Variants in CALD1 observed in about 807,000 individuals in gnomAD.
CALD1 encodes caldesmon.
In CALD1, 33 loss-of-function variants were observed where a neutral mutation model predicts 99.9. The observed-to-expected ratio is 0.33, with a 90% CI of 0.25 to 0.44. The LOEUF (loss-of-function observed/expected upper bound fraction) is 0.44. CALD1 is among the 20% of genes least tolerant of loss of function. The probability of loss-of-function intolerance (pLI) is 1.00; values close to 1 mark genes in which losing one functional copy is unlikely to be tolerated. For missense variants in CALD1, 861 were observed against 962.1 expected (o/e 0.89, Z 1.39); for synonymous variants, 310 against 325.0 (o/e 0.95, Z 0.50).
chr7:134,715,426 A>C, the CALD1 span, among the ~76,000 whole-genome samples: 31 of 152,194 alleles, frequency 2.0e-4, no homozygotes, highest in African/African-American at 7.2e-4. Context: ...TTGCAAGTAT[A>C]CACCCTCTAT....
At chr7:134,830,363 T>A (rs1260733919) in intron 1 of CALD1, among the ~76,000 whole-genome samples, 1 of 152,208 alleles carries the variant, frequency 6.6e-6, no homozygotes, top group Non-Finnish European at 1.5e-5. Context: ...TTATCTCATT[T>A]ATCAAGGCAT....
intron 3 of CALD1, among the ~76,000 whole-genome samples, chr7:134,908,235 C>T (rs1419588912): frequency 6.6e-6 from 1 of 152,008 alleles, no homozygotes; most frequent in Non-Finnish European, 1.5e-5. Context: ...AAGGGATATA[C>T]CATTGGATAT....
chr7:134,714,016 A>G, the CALD1 span, among the ~76,000 whole-genome samples: 19 of 152,022 alleles, frequency 1.2e-4, no homozygotes, highest in Admixed American at 1.1e-3. Flanking sequence ...AGAGTGAGTT[A>G]TTGCTAGATC....
At position 134,968,565 on chromosome 7, in the gene CALD1, T is replaced by C; in HGVS notation, c.*220T>C. Reference sequence around the variant, plus strand: ...CTGCCTTTGCACAGGAGCCTGTTTCTAAAGAAACCCATGCTGTGAAATAGA... The same window carrying C: ...CTGCCTTTGCACAGGAGCCTGTTTCCAAAGAAACCCATGCTGTGAAATAGA... On this transcript the variant is annotated 3_prime_UTR_variant, in exon 15 of 15. Transcript: ENST00000361675. 1.4e-6 allele frequency: 1 copy of C among 700,386 alleles called. No homozygotes were observed. The allele number at this position is 700,386 out of a possible 1,614,324, so 43.4% of individuals were successfully genotyped here.
At chr7:134,807,296 A>G (rs1280294419) in intron 1 of CALD1, among the ~76,000 whole-genome samples, 1 of 152,208 alleles carries the variant, frequency 6.6e-6, no homozygotes, top group African/African-American at 2.4e-5. Context: ...TTTCCATGAT[A>G]CCATGACTGG....
intron 8 of CALD1, among the ~76,000 whole-genome samples, chr7:134,948,467 C>G (rs982849771): frequency 6.6e-6 from 1 of 152,118 alleles, no homozygotes; most frequent in Non-Finnish European, 1.5e-5. Flanking sequence ...CTACAACTTA[C>G]AGTACTACAG....
intron 13 of CALD1, chr7:134,962,388 A>C (rs3735045): frequency 6.6e-6 from 1 of 152,632 alleles, no homozygotes; most frequent in South Asian, 2.0e-4. Flanking sequence ...AAAAAAAAAA[A>C]AGGCATTGCA....
chr7:134,814,630 T>A (rs1323647507), intron 1 of CALD1, among the ~76,000 whole-genome samples: 1 of 152,180 alleles, frequency 6.6e-6, no homozygotes, highest in Non-Finnish European at 1.5e-5. Flanking sequence ...CCTTCATTCC[T>A]CTAACCCTAC....
rs1246811205 is a variant in CALD1 at position 134,945,204 on chromosome 7, A to T, written c.1533-2304A>T. ...ATAATTTCAATTTTAGTTCTTACTT[A>T]CATAAAAACGTACCCATTTCTTCCT... On this transcript the variant is annotated intron_variant, in intron 7 of 14. Coordinates refer to ENST00000361675, the MANE Select transcript of CALD1 (RefSeq NM_033138.4). Among the ~76,000 whole-genome samples, 4 of 152,156 alleles carry T rather than the reference A, an allele frequency of 2.6e-5. No individual in the cohort carries two copies. In the East Asian group the frequency reaches 7.7e-4, roughly 29 times the overall value.
chr7:134,801,613 T>TTCTCTC (rs148788199), intron 1 of CALD1, among the ~76,000 whole-genome samples: 4 of 150,650 alleles, frequency 2.7e-5, no homozygotes, highest in Admixed American at 2.6e-4. Context: ...TCACATTTTC[T>TTCTCTC]TCTCTCTCTC....
At chr7:134,729,602 C>A in the CALD1 span, among the ~76,000 whole-genome samples, 1 of 152,336 alleles carries the variant, frequency 6.6e-6, no homozygotes, top group South Asian at 2.1e-4. Flanking sequence ...CAAGTCTCCC[C>A]CTGGCCAAGG....
At chr7:134,854,582 G>T (rs1219833667) in intron 2 of CALD1, among the ~76,000 whole-genome samples, 2 of 152,152 alleles carry the variant, frequency 1.3e-5, no homozygotes, top group African/African-American at 4.8e-5. Context: ...GCTACTGAAG[G>T]TCACGGCGGG....
chr7:134,775,698 G>A (rs377605885), upstream of CALD1, among the ~76,000 whole-genome samples: 3 of 133,210 alleles, frequency 2.3e-5, no homozygotes, highest in East Asian at 2.2e-4. Flanking sequence ...GCAACAGAGC[G>A]AGACTCCGTC....
chr7:134,855,453 A>G (rs1489440570), intron 2 of CALD1, among the ~76,000 whole-genome samples: 1 of 152,262 alleles, frequency 6.6e-6, no homozygotes, highest in Non-Finnish European at 1.5e-5. Context: ...GCAATCCCAC[A>G]ATAGTTTCTT....
At chr7:134,798,827 G>A (rs1272810012) in intron 1 of CALD1, among the ~76,000 whole-genome samples, 1 of 152,206 alleles carries the variant, frequency 6.6e-6, no homozygotes, top group Non-Finnish European at 1.5e-5. Flanking sequence ...CTTGCTGACT[G>A]ACATCTAGAG....
At chr7:134,721,080 G>A in the CALD1 span, among the ~76,000 whole-genome samples, 1 of 152,114 alleles carries the variant, frequency 6.6e-6, no homozygotes, top group Non-Finnish European at 1.5e-5. Context: ...CCAACAGCCT[G>A]GGGCTGTTCC....
intron 1 of CALD1, among the ~76,000 whole-genome samples, chr7:134,793,678 G>A (rs764419434): frequency 6.6e-6 from 1 of 152,104 alleles, no homozygotes; most frequent in Non-Finnish European, 1.5e-5. Context: ...GAAAGAAGGG[G>A]CAGTTAATAA....
At chr7:134,811,525 T>A (rs1798354206) in intron 1 of CALD1, among the ~76,000 whole-genome samples, 2 of 152,244 alleles carry the variant, frequency 1.3e-5, no homozygotes, top group Non-Finnish European at 2.9e-5. Context: ...TGTTTAGCTC[T>A]CTTCATTTTA....
At chr7:134,727,379 T>A in the CALD1 span, among the ~76,000 whole-genome samples, 1 of 152,186 alleles carries the variant, frequency 6.6e-6, no homozygotes, top group Admixed American at 6.5e-5. Context: ...TTCTTACTCC[T>A]GTCAAAGAAC....
Sources: gnomAD v4.1 joint callset for allele counts (sites outside exome capture counted in the v4.1 genomes callset) on GRCh38, gnomAD v4.1.1 for gene constraint, MANE v1.5 for transcripts, NCBI Gene and HGNC (gene_info 2026-07-23, HGNC 2026-07-21) for gene names.